TRIM44: variants seen among roughly 807,000 people sequenced by gnomAD.
TRIM44 encodes tripartite motif-containing protein 44.
Under a neutral mutation model 37.4 loss-of-function variants are expected in TRIM44, and 13 were observed. The observed-to-expected ratio is 0.35, with a 90% CI of 0.23 to 0.55. The LOEUF is 0.55. TRIM44 is among the 20% of genes least tolerant of loss of function. The pLI, the probability that TRIM44 is intolerant of heterozygous loss-of-function variation, is 0.89. For missense variants in TRIM44, 426 were observed against 437.2 expected (o/e 0.97, Z 0.23); for synonymous variants, 175 against 157.2 (o/e 1.11, Z -0.85).
intron 2 of TRIM44, among the ~76,000 whole-genome samples, chr11:35,719,058 T>TGTAAG (rs1852070337): frequency 6.6e-6 from 1 of 152,152 alleles, no homozygotes; most frequent in Admixed American, 6.6e-5. Flanking sequence ...GTCTGCAGGT[T>TGTAAG]TTTATGTGGA....
chr11:35,800,125 G>A (rs561662505), intron 4 of TRIM44, among the ~76,000 whole-genome samples: 8 of 152,156 alleles, frequency 5.3e-5, no homozygotes, highest in East Asian at 1.9e-4. Flanking sequence ...TAAAGGTGGC[G>A]TGTCCAGAGT....
At chr11:35,802,268 C>T (rs671783) in intron 4 of TRIM44, among the ~76,000 whole-genome samples, 81,775 of 152,012 alleles carry the variant, frequency 0.54, 22,923 homozygotes, top group South Asian at 0.67. Context: ...AACACACAGC[C>T]TTGCCAAGAG....
chr11:35,788,495 C>A (rs1853158145), intron 4 of TRIM44, among the ~76,000 whole-genome samples: 1 of 152,100 alleles, frequency 6.6e-6, no homozygotes, highest in South Asian at 2.1e-4. Flanking sequence ...TCATGGAGTC[C>A]TTCTATTCTC....
intron 4 of TRIM44, among the ~76,000 whole-genome samples, chr11:35,790,661 A>G (rs1407972525): frequency 1.3e-5 from 2 of 152,322 alleles, no homozygotes; most frequent in Non-Finnish European, 2.9e-5. Flanking sequence ...ATTGGCTGAA[A>G]GTAAATTGAT....
chr11:35,733,862 A>G (rs904466146), intron 3 of TRIM44, among the ~76,000 whole-genome samples: 4 of 152,132 alleles, frequency 2.6e-5, no homozygotes, highest in African/African-American at 9.7e-5. Context: ...TCCCTTGAAC[A>G]ACACATTTTT....
chr11:35,708,911 T>G (rs1220500594), intron 2 of TRIM44, among the ~76,000 whole-genome samples: 2 of 150,284 alleles, frequency 1.3e-5, no homozygotes, highest in Non-Finnish European at 3.0e-5. Context: ...TAAAATATAA[T>G]AATAATAAAA....
intron 4 of TRIM44, among the ~76,000 whole-genome samples, chr11:35,762,865 G>T (rs1852746967): frequency 1.3e-5 from 2 of 151,906 alleles, no homozygotes; most frequent in South Asian, 4.2e-4. Flanking sequence ...TTAGGCCTTA[G>T]TTTTCTCATC....
At chr11:35,751,763 T>TTTAAACA (rs1440369803) in intron 4 of TRIM44, among the ~76,000 whole-genome samples, 1 of 152,220 alleles carries the variant, frequency 6.6e-6, no homozygotes, top group Non-Finnish European at 1.5e-5. Flanking sequence ...TCATGAGTCA[T>TTTAAACA]TTAAACATTT....
intron 4 of TRIM44, among the ~76,000 whole-genome samples, chr11:35,756,949 A>T (rs1852651982): frequency 6.6e-6 from 1 of 152,054 alleles, no homozygotes; most frequent in Non-Finnish European, 1.5e-5. Context: ...TTCATCAGGG[A>T]TATTGGTCTG....
intron 2 of TRIM44, among the ~76,000 whole-genome samples, chr11:35,702,109 A>T (rs904467330): frequency 6.6e-6 from 1 of 152,262 alleles, no homozygotes; most frequent in African/African-American, 2.4e-5. Context: ...TTCTGGCCAG[A>T]GGAATATACA....
At position 35,665,595 on chromosome 11, in the gene TRIM44, T is replaced by G. The variant is rs11033225; in HGVS notation, c.669+1815T>G. Among the ~76,000 whole-genome samples, 1,751 of 136,956 alleles carry G rather than the reference T, an allele frequency of 0.013. 102 individuals are homozygous for G. The East Asian group carries it at 0.13, about 10-fold the overall frequency. The allele number at this position is 136,956 out of a possible 152,430, so 89.8% of individuals were successfully genotyped here. A position where few individuals can be genotyped will look rare whatever the true frequency, so the allele number is the denominator to read the frequency against. ...GAGTTTTTATATATCTGTTTTTTTT[T>G]TTTTTTTTTTTTTTTTTGAGATAGA... On this transcript the variant is annotated intron_variant, in intron 1 of 4. Transcript: ENST00000299413.
At chr11:35,703,889 A>T (rs1428546632) in intron 2 of TRIM44, among the ~76,000 whole-genome samples, 1 of 152,238 alleles carries the variant, frequency 6.6e-6, no homozygotes, top group Non-Finnish European at 1.5e-5. Context: ...CCTCACCAGC[A>T]ACGGAACAAA....
At chr11:35,674,235 C>CGTGTGTGTGTGTGTGT (rs113167193) in intron 1 of TRIM44, among the ~76,000 whole-genome samples, 24 of 149,992 alleles carry the variant, frequency 1.6e-4, no homozygotes, top group Admixed American at 8.6e-4. Flanking sequence ...AGAGAATTTG[C>CGTGTGTGTGTGTGTGT]GTGTGTGTGT....
At chr11:35,678,420 T>G (rs1851486704) in intron 1 of TRIM44, among the ~76,000 whole-genome samples, 1 of 152,106 alleles carries the variant, frequency 6.6e-6, no homozygotes, top group African/African-American at 2.4e-5. Flanking sequence ...GTCTGACAAC[T>G]AAAAGTGATG....
intron 4 of TRIM44, among the ~76,000 whole-genome samples, chr11:35,802,222 G>T (rs140472727): frequency 1.3e-3 from 193 of 152,180 alleles, no homozygotes; most frequent in African/African-American, 4.1e-3. Flanking sequence ...CCTCACTTTT[G>T]AATTTGAAGT....
intron 4 of TRIM44, among the ~76,000 whole-genome samples, chr11:35,747,890 C>A: frequency 7.0e-6 from 1 of 143,386 alleles, no homozygotes; most frequent in African/African-American, 2.6e-5. Flanking sequence ...CGGTGCGGGG[C>A]AGGGAGAAAA....
rs1271437974 is a variant in TRIM44, at chr11:35,812,799, A to G, written c.*6414A>G. The G allele has an allele frequency of 1.3e-5, 2 of 151,904 alleles. No homozygotes were observed. The highest frequency in any genetic ancestry group is 4.2e-4 in the South Asian group (2 of 4,808). The allele number at this position is 151,904 out of a possible 1,614,324, so 9.4% of individuals were successfully genotyped here. The stretch of plus-strand genomic sequence containing the variant: ...TTGCTTTGTATAGCCTGTAAAATGC[A>G]ATGTACAGTGAGGGAAAGAAAGTCT... On this transcript the variant is annotated 3_prime_UTR_variant, in exon 5 of 5. Coordinates refer to ENST00000299413, the MANE Select transcript of TRIM44 (RefSeq NM_017583.6).
intron 4 of TRIM44, among the ~76,000 whole-genome samples, chr11:35,759,031 A>G (rs573832388): frequency 6.6e-6 from 1 of 152,136 alleles, no homozygotes; most frequent in South Asian, 2.1e-4. Context: ...TATTTCCTGA[A>G]TTTGAATGTT....
intron 1 of TRIM44, among the ~76,000 whole-genome samples, chr11:35,680,439 GGTTTT>G (rs1022323949): frequency 2.6e-5 from 4 of 151,236 alleles, no homozygotes; most frequent in Non-Finnish European, 5.9e-5. Flanking sequence ...CATTTTGCAA[GGTTTT>G]GTTTTTTTTT....
Sources: allele counts gnomAD v4.1 joint callset (sites outside exome capture counted in the v4.1 genomes callset), GRCh38; gene constraint gnomAD v4.1.1; transcripts MANE v1.5; gene names NCBI Gene and HGNC (gene_info 2026-07-23, HGNC 2026-07-21).